The following RPS6KA2 variants were observed in gnomAD, a reference collection of about 807,000 sequenced individuals.
RPS6KA2 encodes ribosomal protein S6 kinase alpha-2.
A neutral mutation model predicts 91.8 loss-of-function variants in RPS6KA2; 42 were observed. The observed-to-expected ratio is 0.46, with a 90% CI of 0.36 to 0.59. The LOEUF (loss-of-function observed/expected upper bound fraction) is 0.59, where lower values mean the gene tolerates loss of function less well. RPS6KA2 is among the 20% of genes least tolerant of loss of function. RPS6KA2 has a pLI of 0.00. For missense variants in RPS6KA2, 798 were observed against 978.5 expected (o/e 0.82, Z 2.46); for synonymous variants, 414 against 393.6 (o/e 1.05, Z -0.61).
At chr6:166,646,717 C>T (rs563666881) in intron 2 of RPS6KA2, among the ~76,000 whole-genome samples, 1 of 152,298 alleles carries the variant, frequency 6.6e-6, no homozygotes, top group Non-Finnish European at 1.5e-5. Context: ...ACCCCTAAGC[C>T]CCCTTCAGTT....
Position 166,771,305 on chromosome 6 carries a change from T to TAG in RPS6KA2, c.123+86894_123+86895insCT, listed in dbSNP as rs1778466733. Among the ~76,000 whole-genome samples the TAG allele has an allele frequency of 3.9e-5, 6 of 152,364 alleles. No homozygotes were observed. The East Asian group carries it at 1.2e-3, about 29-fold the overall frequency. On this transcript the variant is annotated intron_variant, in intron 2 of 21. Coordinates refer to the RPS6KA2 transcript ENST00000503859. Reference sequence around the variant, plus strand: ...TCAGGTGACTCTAAACTCTAGTCTATGGAAGAGGCTCATTCCAGCTATTTT... The same window carrying TAG: ...TCAGGTGACTCTAAACTCTAGTCTATAGGGAAGAGGCTCATTCCAGCTATTTT...
Position 166,722,340 on chromosome 6 carries a change from G to A in RPS6KA2, c.123+135860C>T, listed in dbSNP as rs566056034. Among the ~76,000 whole-genome samples, 99 of 152,348 alleles carry A rather than the reference G, an allele frequency of 6.5e-4. 1 individual carries two copies. The South Asian group carries it at 0.017, about 27-fold the overall frequency. Reference sequence around the variant, plus strand: ...AGAGTGGAAAAGCGTTTTGTAAGGCGGGTCAGACACTCAACAAAGCAGGTG... The same window carrying A: ...AGAGTGGAAAAGCGTTTTGTAAGGCAGGTCAGACACTCAACAAAGCAGGTG... On this transcript the variant is annotated intron_variant, in intron 2 of 21. Coordinates refer to the RPS6KA2 transcript ENST00000503859.
Position 166,770,876 on chromosome 6 carries a change from G to T in RPS6KA2, c.123+87324C>A. On this transcript the variant is annotated intron_variant, in intron 2 of 21. Coordinates refer to the RPS6KA2 transcript ENST00000503859. The surrounding 1 kb of genome is among the most constrained non-coding windows in gnomAD (Gnocchi z 5.1). ...AACGCTTCTTACCTCTACGGATCCA[G>T]CTACCTTTGTCTTGCAGGCAGCTGA... 2 of 1,597,080 alleles carry T rather than the reference G, an allele frequency of 1.3e-6. No homozygotes were observed. The highest frequency in any genetic ancestry group is 1.7e-6 in the Non-Finnish European group (2 of 1,179,530).
rs549938648 is a variant in RPS6KA2 at position 166,550,838 on chromosome 6, T to TA, written c.100-12055dup. Among the ~76,000 whole-genome samples, 586 of 151,684 alleles carry TA rather than the reference T, an allele frequency of 3.9e-3. 4 individuals are homozygous for TA. The highest frequency in any genetic ancestry group is 0.014 in the Middle Eastern group (4 of 292). On this transcript the variant is annotated intron_variant, in intron 1 of 20. Coordinates refer to ENST00000265678, the MANE Select transcript of RPS6KA2 (RefSeq NM_021135.6). ...TAACACGGTGAAACCCCGTCTCTACTAAAATACAAAAAATTAGCCAGGCGT... is the reference window on the plus strand; with the variant it reads ...TAACACGGTGAAACCCCGTCTCTACTAAAAATACAAAAAATTAGCCAGGCGT...
At chr6:166,797,128 C>A (rs973712795) in intron 2 of RPS6KA2, among the ~76,000 whole-genome samples, 1 of 152,268 alleles carries the variant, frequency 6.6e-6, no homozygotes, top group African/African-American at 2.4e-5. Flanking sequence ...GGAAAAACTC[C>A]GTTTCTCCAA....
At chr6:166,676,068 C>T (rs530958968) in intron 2 of RPS6KA2, among the ~76,000 whole-genome samples, 2 of 152,136 alleles carry the variant, frequency 1.3e-5, no homozygotes, top group East Asian at 3.9e-4. Context: ...GTCATCCCAG[C>T]ACTTTGGGAG....
At chr6:166,787,470 G>A (rs1289330467) in intron 2 of RPS6KA2, among the ~76,000 whole-genome samples, 1 of 151,948 alleles carries the variant, frequency 6.6e-6, no homozygotes, top group East Asian at 1.9e-4. Context: ...GTCTGGCTGT[G>A]GGAGTACAGA....
At chr6:166,663,328 G>C (rs1035489310) in intron 2 of RPS6KA2, among the ~76,000 whole-genome samples, 1 of 152,128 alleles carries the variant, frequency 6.6e-6, no homozygotes, top group Non-Finnish European at 1.5e-5. Flanking sequence ...GCTCCCAGGA[G>C]GGCAGAAAAA....
At chr6:166,834,070 T>C (rs543831599) in intron 2 of RPS6KA2, among the ~76,000 whole-genome samples, 7 of 152,226 alleles carry the variant, frequency 4.6e-5, no homozygotes, top group Non-Finnish European at 8.8e-5. Flanking sequence ...AAGCATTGGG[T>C]TATATGGCAA....
At chr6:166,764,393 G>A (rs1317855796) in intron 2 of RPS6KA2, among the ~76,000 whole-genome samples, 2 of 152,146 alleles carry the variant, frequency 1.3e-5, no homozygotes, top group East Asian at 1.9e-4. Flanking sequence ...GGAAGGTGTC[G>A]AGAACGGCAA....
chr6:166,583,486 C>T (rs1229283914), intron 1 of RPS6KA2, among the ~76,000 whole-genome samples: 2 of 152,206 alleles, frequency 1.3e-5, no homozygotes, highest in Admixed American at 6.5e-5. Flanking sequence ...AAGCATCCTG[C>T]GCACCTTCTC....
intron 2 of RPS6KA2, among the ~76,000 whole-genome samples, chr6:166,778,879 G>C (rs1778694403): frequency 6.6e-6 from 1 of 152,224 alleles, no homozygotes; most frequent in Non-Finnish European, 1.5e-5. Context: ...CGCTGCGTCT[G>C]GTGAGAGTTG....
intron 2 of RPS6KA2, among the ~76,000 whole-genome samples, chr6:166,638,906 T>A (rs1202033817): frequency 6.6e-6 from 1 of 152,146 alleles, no homozygotes; most frequent in Non-Finnish European, 1.5e-5. Context: ...GAACCTAAAA[T>A]GGCTCTTAAA....
At chr6:166,736,285 C>A (rs1163925097) in intron 2 of RPS6KA2, among the ~76,000 whole-genome samples, 1 of 152,194 alleles carries the variant, frequency 6.6e-6, no homozygotes, top group South Asian at 2.1e-4. Flanking sequence ...TTCTTGGATG[C>A]TACTTCAAAG....
intron 1 of RPS6KA2, among the ~76,000 whole-genome samples, chr6:166,594,739 GGCGTGA>G (rs1235951643): frequency 6.6e-6 from 1 of 152,222 alleles, no homozygotes; most frequent in Non-Finnish European, 1.5e-5. Flanking sequence ...TGGGATTACA[GGCGTGA>G]GCCACTGCGC....
chr6:166,465,595 G>A (rs1264339925), intron 11 of RPS6KA2, among the ~76,000 whole-genome samples: 14 of 152,210 alleles, frequency 9.2e-5, no homozygotes, highest in East Asian at 3.8e-4. Flanking sequence ...TCCTGAACAC[G>A]GTGTTTTCAT....
At chr6:166,804,958 T>A (rs1367129973) in intron 2 of RPS6KA2, among the ~76,000 whole-genome samples, 1 of 152,222 alleles carries the variant, frequency 6.6e-6, no homozygotes, top group East Asian at 1.9e-4. Context: ...ATTACACTTT[T>A]TCTCTCTTTC....
At chr6:166,630,336 C>A (rs144762924), upstream of RPS6KA2, among the ~76,000 whole-genome samples, 1 of 152,250 alleles carries the variant, frequency 6.6e-6, no homozygotes, top group African/African-American at 2.4e-5. Context: ...AATGTCTGTT[C>A]GTCTCCAAAC....
At chr6:166,696,257 A>T (rs1475816330) in intron 2 of RPS6KA2, among the ~76,000 whole-genome samples, 1 of 152,120 alleles carries the variant, frequency 6.6e-6, no homozygotes, top group Non-Finnish European at 1.5e-5. Flanking sequence ...GTGGTAGTCT[A>T]TCAGCTGGGT....
Sources: allele counts gnomAD v4.1 joint callset (sites outside exome capture counted in the v4.1 genomes callset), GRCh38; gene constraint gnomAD v4.1.1; non-coding constraint Gnocchi (gnomAD v3.1); transcripts MANE v1.5; gene names NCBI Gene and HGNC (gene_info 2026-07-23, HGNC 2026-07-21).